C1QTNF7: variants seen among roughly 807,000 people sequenced by gnomAD.
C1QTNF7 encodes complement C1q tumor necrosis factor-related protein 7.
Under a neutral mutation model 19.6 loss-of-function variants are expected in C1QTNF7, and 15 were observed. The ratio of observed to expected loss-of-function variants is 0.76; its 90% CI spans 0.51 to 1.18. C1QTNF7 has a LOEUF of 1.18. Among genes scored for constraint, C1QTNF7 ranks in the 50% most tolerant of loss-of-function variants. C1QTNF7 has a pLI of 0.00. For synonymous variants in C1QTNF7, 142 were observed against 137.5 expected (o/e 1.03, Z -0.23); for missense variants, 324 against 359.7 (o/e 0.90, Z 0.80).
intron 1 of C1QTNF7, among the ~76,000 whole-genome samples, chr4:15,391,854 C>T (rs1390100811): frequency 6.6e-6 from 1 of 152,090 alleles, no homozygotes; most frequent in African/African-American, 2.4e-5. Context: ...AGAAGCACCA[C>T]TATTTGGGCA....
At chr4:15,346,563 A>G (rs1191076146) in intron 1 of C1QTNF7, among the ~76,000 whole-genome samples, 1 of 152,050 alleles carries the variant, frequency 6.6e-6, no homozygotes, top group Non-Finnish European at 1.5e-5. Context: ...TAAATTGGTA[A>G]TTTTTTCCAT....
At chr4:15,409,735 C>G (rs1044483573) in intron 1 of C1QTNF7, among the ~76,000 whole-genome samples, 4 of 152,076 alleles carry the variant, frequency 2.6e-5, no homozygotes, top group African/African-American at 4.8e-5. Context: ...AATGAGACAC[C>G]CTGGGCTTGG....
At chr4:15,353,526 G>A (rs939176319) in intron 1 of C1QTNF7, among the ~76,000 whole-genome samples, 10 of 152,090 alleles carry the variant, frequency 6.6e-5, no homozygotes, top group Non-Finnish European at 4.4e-5. Context: ...AGACCAAATC[G>A]GTCCAGGGAG....
At position 15,391,594 on chromosome 4, in the gene C1QTNF7, C is replaced by T. The variant is rs551455551; in HGVS notation, c.14-44142C>T. Among the ~76,000 whole-genome samples the T allele has an allele frequency of 5.3e-5, 8 of 152,276 alleles. No homozygotes were observed. In the East Asian group the frequency reaches 1.4e-3, roughly 26 times the overall value. ...GCACAGATCTGAGAATTCCACTGGG[C>T]ATCCTGCCCTAATGCGAGTCCCAGT... On this transcript the variant is annotated intron_variant, in intron 1 of 2. Transcript: ENST00000295297.
intron 1 of C1QTNF7, among the ~76,000 whole-genome samples, chr4:15,394,751 T>C (rs1282646452): frequency 6.6e-6 from 1 of 152,186 alleles, no homozygotes; most frequent in Admixed American, 6.5e-5. Flanking sequence ...ATTTTGGGGA[T>C]CACAGGAGAG....
intron 1 of C1QTNF7, among the ~76,000 whole-genome samples, chr4:15,366,493 T>C (rs1343152798): frequency 6.6e-6 from 1 of 152,212 alleles, no homozygotes; most frequent in Non-Finnish European, 1.5e-5. Context: ...TTACTTGCAG[T>C]TACAGCATCT....
intron 1 of C1QTNF7, among the ~76,000 whole-genome samples, chr4:15,421,133 C>G (rs1711739351): frequency 6.6e-6 from 1 of 151,694 alleles, no homozygotes; most frequent in Non-Finnish European, 1.5e-5. Context: ...CCCCCATTAT[C>G]CGGATAAACG....
chr4:15,443,717 T>C lies in C1QTNF7; in HGVS notation c.*918T>C, dbSNP rs1031809808. 7 of 152,208 alleles carry C rather than the reference T, an allele frequency of 4.6e-5. No individual in the cohort carries two copies. In the South Asian group the frequency reaches 1.5e-3, roughly 32 times the overall value. 9.4% of individuals were successfully genotyped at this position (152,208 alleles called of 1,614,324 possible). On this transcript the variant is annotated 3_prime_UTR_variant, in exon 3 of 3. Coordinates refer to ENST00000444304, the MANE Select transcript of C1QTNF7 (RefSeq NM_031911.5). ...CTGGCAGGGGTGATAAAAATGGAGA[T>C]TGAAATGAAGAGAAATAGCCAGCAG...
chr4:15,404,203 A>T (rs541940826), intron 1 of C1QTNF7, among the ~76,000 whole-genome samples: 2 of 152,324 alleles, frequency 1.3e-5, no homozygotes, highest in South Asian at 2.1e-4. Context: ...ATATATTTTT[A>T]AAAAGACCAA....
chr4:15,418,863 G>T (rs941703942), intron 1 of C1QTNF7, among the ~76,000 whole-genome samples: 6 of 152,188 alleles, frequency 3.9e-5, no homozygotes, highest in Admixed American at 6.5e-5. Flanking sequence ...CACAGAGTCT[G>T]CCCAGAGCCC....
intron 2 of C1QTNF7, among the ~76,000 whole-genome samples, chr4:15,440,273 G>A (rs1577285680): frequency 1.3e-5 from 2 of 151,976 alleles, no homozygotes; most frequent in East Asian, 1.9e-4. Context: ...TGATACAACC[G>A]TTTAGTGACA....
chr4:15,425,690 G>A (rs1348905923), upstream of C1QTNF7, among the ~76,000 whole-genome samples: 1 of 152,212 alleles, frequency 6.6e-6, no homozygotes, highest in African/African-American at 2.4e-5. Flanking sequence ...TTACTCATCT[G>A]TAGAAGGAGG....
At chr4:15,419,492 G>T (rs1175564565) in intron 1 of C1QTNF7, among the ~76,000 whole-genome samples, 1 of 152,008 alleles carries the variant, frequency 6.6e-6, no homozygotes, top group African/African-American at 2.4e-5. Flanking sequence ...ACAGTGTATA[G>T]GTACTATTAC....
At chr4:15,428,774 T>C in intron 1 of C1QTNF7, among the ~76,000 whole-genome samples, 1 of 152,168 alleles carries the variant, frequency 6.6e-6, no homozygotes, top group East Asian at 1.9e-4. Context: ...CCACTCCCAG[T>C]GCAACAAGAG....
intron 1 of C1QTNF7, among the ~76,000 whole-genome samples, chr4:15,340,544 C>T (rs537550664): frequency 4.1e-4 from 63 of 152,284 alleles, no homozygotes; most frequent in South Asian, 4.1e-4. Context: ...CCAAGGTCAG[C>T]TTATCTATGT....
intron 2 of C1QTNF7, among the ~76,000 whole-genome samples, chr4:15,437,564 T>C (rs962718853): frequency 1.3e-5 from 2 of 152,238 alleles, no homozygotes; most frequent in African/African-American, 2.4e-5. Context: ...TATATGTGGA[T>C]ATGCATTCAG....
At chr4:15,376,278 G>A (rs1181040816) in intron 1 of C1QTNF7, among the ~76,000 whole-genome samples, 3 of 152,236 alleles carry the variant, frequency 2.0e-5, no homozygotes, top group Non-Finnish European at 4.4e-5. Context: ...GAAATAGAAG[G>A]ATGAAGTTTG....
In C1QTNF7 at chr4:15,418,543, C is replaced by G. The variant is rs548858218; in HGVS notation, c.14-17193C>G. ...CCCATCTTCACCTGGCTAAGTCATC[C>G]TCAGGTATCCCCAGGTATCTCATCC... On this transcript the variant is annotated intron_variant, in intron 1 of 2. Transcript: ENST00000295297. Among the ~76,000 whole-genome samples the G allele has an allele frequency of 7.2e-5, 11 of 152,268 alleles. No homozygotes were observed. In the South Asian group the frequency reaches 2.3e-3, roughly 32 times the overall value.
chr4:15,378,228 A>T (rs1036703840), intron 1 of C1QTNF7, among the ~76,000 whole-genome samples: 8 of 152,210 alleles, frequency 5.3e-5, no homozygotes, highest in African/African-American at 1.9e-4. Context: ...AAACAAAGCC[A>T]TGATTAAGTA....
Sources: allele counts gnomAD v4.1 joint callset (sites outside exome capture counted in the v4.1 genomes callset), GRCh38; gene constraint gnomAD v4.1.1; transcripts MANE v1.5; gene names NCBI Gene and HGNC (gene_info 2026-07-23, HGNC 2026-07-21).